PCDH15: variants seen among roughly 807,000 people sequenced by gnomAD.
PCDH15 encodes protocadherin-15.
A neutral mutation model predicts 178.5 loss-of-function variants in PCDH15; 129 were observed. The observed-to-expected ratio is 0.72, with a 90% CI of 0.63 to 0.84. PCDH15 has a LOEUF of 0.84. Ranked by LOEUF, PCDH15 falls within the 40% of genes least tolerant of loss-of-function variation. PCDH15 has a pLI of 0.00. For synonymous variants in PCDH15, 800 were observed against 732.0 expected, an observed-to-expected ratio of 1.09 and a Z score of -1.50; for missense variants, 2,230 against 2,099.9, an observed-to-expected ratio of 1.06 and a Z score of -1.21.
intron 26 of PCDH15, among the ~76,000 whole-genome samples, chr10:53,890,418 C>T (rs1227085840): frequency 2.0e-5 from 3 of 152,114 alleles, no homozygotes; most frequent in Non-Finnish European, 2.9e-5. Context: ...CAGAGTGAGA[C>T]ACTGTCTCAA....
chr10:55,169,571 T>G (rs1839277941), intron 1 of PCDH15, among the ~76,000 whole-genome samples: 1 of 152,178 alleles, frequency 6.6e-6, no homozygotes, highest in Non-Finnish European at 1.5e-5. Context: ...TAAAAGCAGG[T>G]TTTATAAAAG....
intron 3 of PCDH15, among the ~76,000 whole-genome samples, chr10:54,851,996 T>C (rs1184371177): frequency 6.6e-6 from 1 of 152,206 alleles, no homozygotes; most frequent in African/African-American, 2.4e-5. Flanking sequence ...GCTAATCCCC[T>C]ATTTGGTTGA....
chr10:53,821,327 T>C, intron 32 of PCDH15: 3 of 989,232 alleles, frequency 3.0e-6, no homozygotes, highest in Non-Finnish European at 3.6e-6. Flanking sequence ...TTGAAATACC[T>C]TATGTCTGTC....
chr10:54,969,492 T>C (rs190072776), intron 2 of PCDH15, among the ~76,000 whole-genome samples: 2 of 152,332 alleles, frequency 1.3e-5, no homozygotes, highest in East Asian at 3.9e-4. Flanking sequence ...GTTCTTTCCA[T>C]AGCCTCAGGT....
chr10:54,356,207 T>A (rs1406085419), intron 5 of PCDH15, among the ~76,000 whole-genome samples: 3 of 152,046 alleles, frequency 2.0e-5, no homozygotes, highest in Non-Finnish European at 4.4e-5. Flanking sequence ...CATGCTATGA[T>A]AAAAACAGTA....
At chr10:54,972,436 A>G (rs1838957091) in intron 2 of PCDH15, among the ~76,000 whole-genome samples, 1 of 152,110 alleles carries the variant, frequency 6.6e-6, no homozygotes, top group African/African-American at 2.4e-5. Flanking sequence ...GCTACTCAGG[A>G]GACTTAGGCA....
intron 3 of PCDH15, among the ~76,000 whole-genome samples, chr10:54,877,422 C>T (rs1954165838): frequency 6.6e-6 from 1 of 152,032 alleles, no homozygotes. Flanking sequence ...ATGAAAAATA[C>T]AAGTTCTGTG....
chr10:55,175,207 C>T (rs191246671), intron 1 of PCDH15, among the ~76,000 whole-genome samples: 1 of 152,242 alleles, frequency 6.6e-6, no homozygotes, highest in East Asian at 1.9e-4. Context: ...AGGACTAACA[C>T]TAAGCCTCTC....
At chr10:55,397,376 A>G (rs1837955213) in intron 2 of PCDH15, among the ~76,000 whole-genome samples, 1 of 152,130 alleles carries the variant, frequency 6.6e-6, no homozygotes, top group Admixed American at 6.6e-5. Context: ...TCTTTTTTCA[A>G]ATGTAATTAC....
chr10:54,241,867 GT>G (rs531617659), intron 8 of PCDH15, among the ~76,000 whole-genome samples: 354 of 150,786 alleles, frequency 2.3e-3, no homozygotes, highest in African/African-American at 8.3e-3. Context: ...TAATTATATG[GT>G]TTAAGAACCT....
chr10:54,251,877 T>G (rs552310282), intron 8 of PCDH15, among the ~76,000 whole-genome samples: 7 of 152,280 alleles, frequency 4.6e-5, no homozygotes, highest in Admixed American at 2.0e-4. Context: ...ATCCTATATA[T>G]TCCATTCTTA....
At chr10:54,853,356 TAC>T (rs1174675463) in intron 3 of PCDH15, among the ~76,000 whole-genome samples, 74 of 128,504 alleles carry the variant, frequency 5.8e-4, no homozygotes, top group African/African-American at 2.0e-3. Flanking sequence ...CATATATATA[TAC>T]ACACACACAT....
intron 2 of PCDH15, among the ~76,000 whole-genome samples, chr10:55,416,470 C>T (rs931208419): frequency 6.6e-6 from 1 of 151,490 alleles, no homozygotes; most frequent in East Asian, 1.9e-4. Flanking sequence ...TAGGATCCTC[C>T]TAAAATAAAA....
At chr10:54,871,136 A>G (rs1345096186) in intron 3 of PCDH15, among the ~76,000 whole-genome samples, 4 of 152,166 alleles carry the variant, frequency 2.6e-5, no homozygotes, top group Non-Finnish European at 4.4e-5. Context: ...TTCACAGAGC[A>G]TAGGGATTCC....
intron 2 of PCDH15, among the ~76,000 whole-genome samples, chr10:54,919,923 A>T (rs1837442354): frequency 6.6e-6 from 1 of 152,124 alleles, no homozygotes; most frequent in Non-Finnish European, 1.5e-5. Flanking sequence ...ACATTTGAGA[A>T]TTCATTCTGC....
At chr10:53,965,519 C>G (rs1285909758) in intron 21 of PCDH15, among the ~76,000 whole-genome samples, 1 of 152,176 alleles carries the variant, frequency 6.6e-6, no homozygotes, top group African/African-American at 2.4e-5. Flanking sequence ...TCAGTACTAT[C>G]TTAAAGGCAA....
chr10:54,121,562 AAAGAG>A (rs1454215233), intron 15 of PCDH15, among the ~76,000 whole-genome samples: 1 of 152,148 alleles, frequency 6.6e-6, no homozygotes, highest in Non-Finnish European at 1.5e-5. Flanking sequence ...TTAGATTAAT[AAAGAG>A]AAGAAAAGAA....
intron 26 of PCDH15, among the ~76,000 whole-genome samples, chr10:53,902,092 TTAA>T (rs1388962287): frequency 3.3e-5 from 5 of 151,988 alleles, no homozygotes; most frequent in Non-Finnish European, 7.4e-5. Flanking sequence ...CAATTAAGAG[TTAA>T]TGAGACTAAA....
chr10:54,241,489 G>C (rs777486520), intron 8 of PCDH15, among the ~76,000 whole-genome samples: 10 of 152,254 alleles, frequency 6.6e-5, no homozygotes, highest in Non-Finnish European at 1.3e-4. Context: ...CCTCAGCCTA[G>C]TGCCTCACAG....
Sources: allele counts gnomAD v4.1 joint callset (sites outside exome capture counted in the v4.1 genomes callset), GRCh38; gene constraint gnomAD v4.1.1; transcripts MANE v1.5; gene names NCBI Gene and HGNC (gene_info 2026-07-23, HGNC 2026-07-21).